Variants in RFX7 observed in about 807,000 individuals in gnomAD.
RFX7 encodes the protein DNA-binding protein RFX7.
Under a neutral mutation model 111.8 loss-of-function variants are expected in RFX7, and 26 were observed. The ratio of observed to expected loss-of-function variants is 0.23; its 90% CI spans 0.17 to 0.32. RFX7 has a LOEUF of 0.32. RFX7 is among the 10% of genes least tolerant of loss of function. The probability of loss-of-function intolerance (pLI) is 1.00; values close to 1 mark genes in which losing one functional copy is unlikely to be tolerated. For synonymous variants in RFX7, 624 were observed against 624.4 expected, an observed-to-expected ratio of 1.00 and a Z score of 0.01; for missense variants, 1,573 against 1,772.9, an observed-to-expected ratio of 0.89 and a Z score of 2.02.
In RFX7 at chr15:56,087,370, A is replaced by C; in HGVS notation, c.*5975T>G. The C allele has an allele frequency of 2.2e-6, 1 of 455,060 alleles. No individual in the cohort carries two copies. The highest frequency in any genetic ancestry group is 1.6e-5 in the South Asian group (1 of 64,410). The allele number at this position is 455,060 out of a possible 1,614,324, so 28.2% of individuals were successfully genotyped here. On this transcript the variant is annotated 3_prime_UTR_variant, in exon 10 of 10. Transcript: ENST00000559447. ...GACTAGTTGGGCATCTTCCCTTCCA[A>C]AGTCATCATGCCCTGGGCTCCTTGT...
chr15:56,232,807 A>C (rs1384188332), intron 2 of RFX7, among the ~76,000 whole-genome samples: 1 of 152,186 alleles, frequency 6.6e-6, no homozygotes, highest in Admixed American at 6.5e-5. Context: ...ATCTTTGCTA[A>C]AGCATAGCAA....
chr15:56,108,244 A>T (rs1482182506), intron 5 of RFX7, among the ~76,000 whole-genome samples: 5 of 152,178 alleles, frequency 3.3e-5, no homozygotes, highest in Non-Finnish European at 7.4e-5. Context: ...CCTGGCAGAG[A>T]CACAACAAAA....
chr15:56,143,670 A>T (rs2042432012), intron 4 of RFX7, among the ~76,000 whole-genome samples: 1 of 152,218 alleles, frequency 6.6e-6, no homozygotes, highest in African/African-American at 2.4e-5. Context: ...ATTTCAAAGA[A>T]AACACTGAGC....
Position 56,094,610 on chromosome 15 carries a change from T to C in RFX7, c.3118A>G (p.Ile1040Val). The change falls in exon 10 of 10, where the codon ATT becomes GTT. Residue 1040 changes from isoleucine (I) to valine (V), a missense_variant. Physicochemically the swap from Ile to Val is conservative, Grantham distance 29. Transcript: ENST00000559447. ...SSSMAYHDAS[I>V]VSSSPVKPMQ... is the part of the protein sequence containing the mutation. ...GGTTTCACAGGACTACTTGAGACAA[T>C]GCTGGCGTCATGATATGCCATACTG... The C allele has an allele frequency of 3.1e-6, 5 of 1,613,844 alleles. No homozygotes were observed. Among genetic ancestry groups the C allele is most frequent in the Non-Finnish European group, 4.2e-6 (5 of 1,179,882 alleles).
intron 2 of RFX7, among the ~76,000 whole-genome samples, chr15:56,234,825 C>T (rs1214997930): frequency 6.6e-6 from 1 of 152,142 alleles, no homozygotes; most frequent in Admixed American, 6.5e-5. Context: ...AAATTCCTAT[C>T]AACTTTACAT....
At chr15:56,239,666 A>G (rs1461540741) in intron 2 of RFX7, among the ~76,000 whole-genome samples, 2 of 152,136 alleles carry the variant, frequency 1.3e-5, no homozygotes, top group Non-Finnish European at 2.9e-5. Context: ...GGAGTGTTTC[A>G]GATTCTGGAG....
chr15:56,222,442 A>G, intron 2 of RFX7, among the ~76,000 whole-genome samples: 1 of 152,134 alleles, frequency 6.6e-6, no homozygotes, highest in East Asian at 1.9e-4. Context: ...ATATCTTCAA[A>G]TTATTTTTCT....
upstream of RFX7, chr15:56,244,406 G>C (rs957952970): frequency 2.6e-5 from 4 of 152,012 alleles, no homozygotes; most frequent in Admixed American, 2.6e-4. Context: ...CTCCTCGGTC[G>C]GGCATTCAAA....
chr15:56,135,559 G>A (rs1384117295), intron 5 of RFX7, among the ~76,000 whole-genome samples: 3 of 151,528 alleles, frequency 2.0e-5, no homozygotes, highest in Admixed American at 1.3e-4. Flanking sequence ...CTCCCATTCT[G>A]TAGGTTGCCT....
chr15:56,225,195 T>C (rs555453363), intron 2 of RFX7, among the ~76,000 whole-genome samples: 6 of 152,316 alleles, frequency 3.9e-5, no homozygotes, highest in Non-Finnish European at 8.8e-5. Flanking sequence ...TGTTTTTTAA[T>C]CTGCCACAAT....
rs1259050629 is a variant in RFX7, at chr15:56,089,581, TTA to T, written c.*3762_*3763del. On this transcript the variant is annotated 3_prime_UTR_variant, in exon 10 of 10. Transcript: ENST00000559447. ...ACTGGTTGACTCTATGCACTGGTTC[TTA>T]TGTTTGCCTGCTCTGACATTTTACC... 6.6e-6 allele frequency: 1 copy of T among 152,152 alleles called. No individual in the cohort carries two copies. Among genetic ancestry groups the T allele is most frequent in the African/African-American group, 2.4e-5 (1 of 41,438 alleles). The allele number at this position is 152,152 out of a possible 1,614,324, so 9.4% of individuals were successfully genotyped here.
chr15:56,092,652 T>G lies in RFX7; in HGVS notation c.*693A>C, dbSNP rs555434581. ...GCATCTATGTGTGCTAGCTCCATAT[T>G]AAAATCAACATTTAAATATTAATGC... On this transcript the variant is annotated 3_prime_UTR_variant, in exon 10 of 10. Transcript: ENST00000559447. 2 of 152,738 alleles carry G rather than the reference T, an allele frequency of 1.3e-5. No homozygotes were observed. Among genetic ancestry groups the G allele is most frequent in the Admixed American group, 1.3e-4 (2 of 15,292 alleles). The allele number at this position is 152,738 out of a possible 1,614,324, so 9.5% of individuals were successfully genotyped here. A position where few individuals can be genotyped will look rare whatever the true frequency, so the allele number is the denominator to read the frequency against.
intron 5 of RFX7, among the ~76,000 whole-genome samples, chr15:56,133,398 T>C (rs1436297141): frequency 4.6e-5 from 7 of 152,102 alleles, no homozygotes; most frequent in Non-Finnish European, 7.4e-5. Context: ...TAAAGGGATT[T>C]TGACACAAAT....
At chr15:56,205,152 T>C (rs2043237176) in intron 2 of RFX7, among the ~76,000 whole-genome samples, 1 of 152,226 alleles carries the variant, frequency 6.6e-6, no homozygotes, top group Admixed American at 6.5e-5. Flanking sequence ...AATTAAATGC[T>C]CTTTCTACAT....
Position 56,093,802 on chromosome 15 carries a change from T to C in RFX7, c.3926A>G (p.Tyr1309Cys), listed in dbSNP as rs2041630815. 1 of 1,613,942 alleles carries C rather than the reference T, an allele frequency of 6.2e-7. No homozygotes were observed. Among genetic ancestry groups the C allele is most frequent in the Non-Finnish European group, 8.5e-7 (1 of 1,179,864 alleles). The change falls in exon 10 of 10, where the codon TAT becomes TGT. Residue 1309 changes from tyrosine to cysteine, a missense_variant. Physicochemically the swap from Tyr to Cys is radical, Grantham distance 194 (BLOSUM62 -2). Around this residue, in one of 7 missense-constraint regions of RFX7, gnomAD observed 411 missense variants for 478.1 expected, o/e 0.86. Transcript: ENST00000559447. ...QNMIDSSTSVYEFQTPSYLTK... is the reference protein window; with the variant it reads ...QNMIDSSTSVCEFQTPSYLTK... ...GAGGTAAGATGGTGTTTGGAACTCA[T>C]AAACAGAAGTGCTGGAATCGATCAT...
chr15:56,095,554 T>G lies in RFX7; in HGVS notation c.2174A>C (p.His725Pro), dbSNP rs747332593. 1.9e-6 allele frequency: 3 copies of G among 1,613,944 alleles called. No individual in the cohort carries two copies. The highest frequency in any genetic ancestry group is 1.7e-4 in the Middle Eastern group (1 of 6,060). Residue 725 changes from histidine to proline, a missense_variant, in exon 10 of 10, where the codon CAC (histidine) becomes CCC (proline). Transcript: ENST00000559447. Reference sequence around the variant, plus strand: ...ATTCAAGGGTTGATTTGCTCCTATGTGTGAACTGACATTTACTGATACCTT... The same window carrying G: ...ATTCAAGGGTTGATTTGCTCCTATGGGTGAACTGACATTTACTGATACCTT... ...PSKVSVNVSS[H>P]IGANQPLNSS... is the part of the protein sequence containing the mutation.
intron 2 of RFX7, among the ~76,000 whole-genome samples, chr15:56,239,338 G>A (rs1390819085): frequency 2.0e-5 from 3 of 151,342 alleles, no homozygotes; most frequent in Non-Finnish European, 2.9e-5. Flanking sequence ...GTGCAATCTC[G>A]GCTCACAGCA....
intron 5 of RFX7, among the ~76,000 whole-genome samples, chr15:56,115,186 A>G (rs2041994594): frequency 6.6e-6 from 1 of 151,752 alleles, no homozygotes; most frequent in Middle Eastern, 3.4e-3. Context: ...AATTTTTTGT[A>G]TTTTTACTAG....
intron 3 of RFX7, among the ~76,000 whole-genome samples, chr15:56,152,489 T>A (rs1386001348): frequency 1.3e-5 from 2 of 152,190 alleles, no homozygotes; most frequent in Non-Finnish European, 2.9e-5. Flanking sequence ...GAAATAAAGA[T>A]GTTCTTTGAA....
Sources: gnomAD v4.1 joint callset for allele counts (sites outside exome capture counted in the v4.1 genomes callset) on GRCh38, gnomAD v4.1.1 for gene constraint, gnomAD v4.1.1 regional missense constraint, MANE v1.5 for transcripts, NCBI Gene and HGNC (gene_info 2026-07-23, HGNC 2026-07-21) for gene names.